The following SLC7A2 variants were observed in gnomAD, a reference collection of about 807,000 sequenced individuals.
SLC7A2 encodes the protein solute carrier family 7 member 2, also known as cationic amino acid transporter 2.
SLC7A2 carries 48 observed loss-of-function variants against 58.9 expected under a neutral mutation model. The observed-to-expected ratio is 0.82, with a 90% CI of 0.65 to 1.04. The LOEUF is 1.04. Among genes scored for constraint, SLC7A2 ranks in the 50% least tolerant of loss-of-function variants. SLC7A2 has a pLI of 0.00. For synonymous variants in SLC7A2, 363 were observed against 314.5 expected, an observed-to-expected ratio of 1.15 and a Z score of -1.63; for missense variants, 1,029 against 818.8, an observed-to-expected ratio of 1.26 and a Z score of -3.13.
At chr8:17,511,758 T>A (rs982758033) in intron 2 of SLC7A2, among the ~76,000 whole-genome samples, 4 of 152,192 alleles carry the variant, frequency 2.6e-5, no homozygotes, top group Non-Finnish European at 5.9e-5. Context: ...GGCTTTACAA[T>A]TCTAAACAAA....
intron 9 of SLC7A2, among the ~76,000 whole-genome samples, chr8:17,558,991 T>C (rs1359518160): frequency 6.6e-6 from 1 of 152,248 alleles, no homozygotes; most frequent in Non-Finnish European, 1.5e-5. Context: ...AGACATTATA[T>C]GCCTGGATGA....
rs532635210 is a variant in SLC7A2, at chr8:17,537,203, C to T, written c.-22-6115C>T. Among the ~76,000 whole-genome samples the T allele has an allele frequency of 1.3e-3, 196 of 152,234 alleles. 1 individual carries two copies. The highest frequency in any genetic ancestry group is 4.6e-3 in the African/African-American group (191 of 41,534). ...TCCCGAGTAGCTGGGATTACAGGCA[C>T]GTAACACCATGCCTGGCTAATTTTT... On this transcript the variant is annotated intron_variant, in intron 2 of 12. Transcript: ENST00000494857.
intron 1 of SLC7A2, among the ~76,000 whole-genome samples, chr8:17,498,438 C>G (rs994331696): frequency 2.6e-5 from 4 of 152,180 alleles, no homozygotes; most frequent in Non-Finnish European, 5.9e-5. Flanking sequence ...TGTGAATATT[C>G]TGTATTATGT....
intron 8 of SLC7A2, among the ~76,000 whole-genome samples, chr8:17,557,023 G>T (rs766162151): frequency 6.6e-6 from 1 of 152,186 alleles, no homozygotes; most frequent in Non-Finnish European, 1.5e-5. Flanking sequence ...TCGTGGCCTT[G>T]CTAAGTTAGC....
intron 4 of SLC7A2, among the ~76,000 whole-genome samples, chr8:17,547,785 A>AGTGTGT (rs35052068): frequency 0.029 from 4,263 of 144,756 alleles, 68 homozygotes; most frequent in African/African-American, 0.051. Flanking sequence ...GGCACAAAAG[A>AGTGTGT]GTGTGTGTGT....
rs1158264705 is a variant in SLC7A2 at position 17,506,018 on chromosome 8, C to G, written c.-23+3716C>G. Among the ~76,000 whole-genome samples, 4 of 152,206 alleles carry G rather than the reference C, an allele frequency of 2.6e-5. 1 individual carries two copies. Among genetic ancestry groups the G allele is most frequent in the Admixed American group, 1.3e-4 (2 of 15,268 alleles). ...GCTGATTTAGCTACTGAAAAATTAT[C>G]TCTTGCAACACTTGCTTTACTTGTA... On this transcript the variant is annotated intron_variant, in intron 2 of 12. Transcript: ENST00000494857.
rs969908040 is a variant in SLC7A2 at position 17,566,396 on chromosome 8, T to G, written c.*1250T>G. 9 of 152,298 alleles carry G rather than the reference T, an allele frequency of 5.9e-5. No homozygotes were observed. The highest frequency in any genetic ancestry group is 2.0e-4 in the Admixed American group (3 of 15,302). The allele number at this position is 152,298 out of a possible 1,614,324, so 9.4% of individuals were successfully genotyped here. On this transcript the variant is annotated 3_prime_UTR_variant, in exon 13 of 13. Coordinates refer to ENST00000494857, the MANE Select transcript of SLC7A2 (RefSeq NM_001370338.1). ...TGGCAAATGGCCCAATTTAAGGGCT[T>G]TGGATCTAATTTGCCTCTGATGTTT...
chr8:17,536,317 C>G (rs1198047218), intron 2 of SLC7A2, among the ~76,000 whole-genome samples: 1 of 152,072 alleles, frequency 6.6e-6, no homozygotes, highest in Non-Finnish European at 1.5e-5. Context: ...GTAACCTCAG[C>G]ACTTTGGGAG....
rs115120646 is a variant in SLC7A2, at chr8:17,547,688, G to A, written c.533-990G>A. 5.5e-3 allele frequency among the ~76,000 whole-genome samples: 831 copies of A among 152,122 alleles called. 10 individuals carry two copies. The highest frequency in any genetic ancestry group is 0.019 in the African/African-American group (799 of 41,502). On this transcript the variant is annotated intron_variant, in intron 4 of 12. Coordinates refer to ENST00000494857, the MANE Select transcript of SLC7A2 (RefSeq NM_001370338.1). ...GTAACAAACAAAGAGTGATCTAATTGTCTATAAATAAGGGATGAATTAAAG... is the reference window on the plus strand; with the variant it reads ...GTAACAAACAAAGAGTGATCTAATTATCTATAAATAAGGGATGAATTAAAG...
At chr8:17,544,963 C>G (rs1432778118) in intron 4 of SLC7A2, among the ~76,000 whole-genome samples, 1 of 152,162 alleles carries the variant, frequency 6.6e-6, no homozygotes, top group Non-Finnish European at 1.5e-5. Flanking sequence ...TTGCTAGATA[C>G]AACTAGGGAT....
chr8:17,548,020 A>G (rs1232899093), intron 4 of SLC7A2, among the ~76,000 whole-genome samples: 1 of 152,176 alleles, frequency 6.6e-6, no homozygotes, highest in African/African-American at 2.4e-5. Context: ...ATGGCAGACA[A>G]ATGTTTTAGC....
chr8:17,538,405 C>A (rs1801764210), intron 2 of SLC7A2, among the ~76,000 whole-genome samples: 1 of 151,988 alleles, frequency 6.6e-6, no homozygotes, highest in South Asian at 2.1e-4. Context: ...CTGTGTTTTT[C>A]CAGAAAGATT....
intron 2 of SLC7A2, among the ~76,000 whole-genome samples, chr8:17,520,121 A>G (rs895820654): frequency 2.2e-4 from 33 of 152,358 alleles, no homozygotes; most frequent in African/African-American, 7.9e-4. Context: ...TGAGATTTCA[A>G]TAAGTGATAA....
intron 2 of SLC7A2, among the ~76,000 whole-genome samples, chr8:17,527,215 AAAT>A (rs1801255635): frequency 1.3e-5 from 2 of 152,212 alleles, no homozygotes; most frequent in African/African-American, 4.8e-5. Context: ...TTAGGTTTTA[AAAT>A]AATCAGTGTA....
intron 10 of SLC7A2, among the ~76,000 whole-genome samples, chr8:17,561,699 C>G (rs1290944735): frequency 6.6e-6 from 1 of 152,068 alleles, no homozygotes; most frequent in African/African-American, 2.4e-5. Context: ...GTGAGTAACA[C>G]TAGGAGGGGC....
At chr8:17,510,949 A>G (rs889877828) in intron 2 of SLC7A2, 5 of 152,230 alleles carry the variant, frequency 3.3e-5, no homozygotes, top group Non-Finnish European at 7.3e-5. Context: ...TATCCTTTGC[A>G]GGAACGTGGA....
intron 2 of SLC7A2, among the ~76,000 whole-genome samples, chr8:17,514,294 G>A (rs919513201): frequency 6.6e-6 from 1 of 151,402 alleles, no homozygotes. Flanking sequence ...CCCAAAACAC[G>A]CATTTGAGTT....
chr8:17,562,299 G>A (rs370795390), intron 11 of SLC7A2, among the ~76,000 whole-genome samples, 189 bp downstream of exon 11: 5 of 147,440 alleles, frequency 3.4e-5, no homozygotes, highest in Non-Finnish European at 7.4e-5. Context: ...TTTGCCTCCC[G>A]GGTTCAAGCA....
At chr8:17,507,402 G>A (rs113511284) in intron 2 of SLC7A2, among the ~76,000 whole-genome samples, 10 of 151,874 alleles carry the variant, frequency 6.6e-5, no homozygotes, top group South Asian at 2.1e-4. Flanking sequence ...GTGTGGAGAC[G>A]GGGGTCTCAC....
Sources: gnomAD v4.1 joint callset for allele counts (sites outside exome capture counted in the v4.1 genomes callset) on GRCh38, gnomAD v4.1.1 for gene constraint, MANE v1.5 for transcripts, NCBI Gene and HGNC (gene_info 2026-07-23, HGNC 2026-07-21) for gene names.